Variants in CACNA1B observed in about 807,000 individuals in gnomAD.
CACNA1B encodes voltage-dependent N-type calcium channel subunit alpha-1B.
CACNA1B carries 70 observed loss-of-function variants against 247.2 expected under a neutral mutation model. The ratio of observed to expected loss-of-function variants is 0.28; its 90% confidence interval spans 0.23 to 0.35. The LOEUF (loss-of-function observed/expected upper bound fraction) is 0.35. Ranked by LOEUF, CACNA1B falls within the 10% of genes least tolerant of loss-of-function variation. The pLI is 1.00. For synonymous variants in CACNA1B, 1,231 were observed against 1,294.4 expected (o/e 0.95, Z 1.05); for missense variants, 2,367 against 3,197.4 (o/e 0.74, Z 6.26).
chr9:138,068,443 A>G (rs1465259406), intron 31 of CACNA1B, among the ~76,000 whole-genome samples: 3 of 152,226 alleles, frequency 2.0e-5, no homozygotes. Flanking sequence ...GAAACCTGCC[A>G]TTTAATCAGA....
In CACNA1B at chr9:137,914,955, C is replaced by G; in HGVS notation, c.775+149C>G. ...TTCTAGTGGGGGACATAGACGATAG[C>G]CTGATAAACACAAGTAAATAAACAC... On this transcript the variant is annotated intron_variant, in intron 5 of 46. Transcript: ENST00000371372. This position sits in a 1 kb window ranked among gnomAD's most constrained non-coding sequence, Gnocchi z 4.3. 1 of 727,384 alleles carries G rather than the reference C, an allele frequency of 1.4e-6. No homozygotes were observed. Among genetic ancestry groups the G allele is most frequent in the South Asian group, 2.4e-5 (1 of 42,440 alleles). 45.1% of individuals were successfully genotyped at this position (727,384 alleles called of 1,614,324 possible). A position where few individuals can be genotyped will look rare whatever the true frequency, so the allele number is the denominator to read the frequency against.
At chr9:138,081,582 G>A (rs561425853) in intron 36 of CACNA1B, among the ~76,000 whole-genome samples, 1 of 146,136 alleles carries the variant, frequency 6.8e-6, no homozygotes, top group Non-Finnish European at 1.5e-5. Flanking sequence ...TGGAAGAATA[G>A]GGAATGAGGT....
chr9:138,096,244 C>A (rs1281920477), intron 36 of CACNA1B, among the ~76,000 whole-genome samples: 2 of 152,050 alleles, frequency 1.3e-5, no homozygotes, highest in African/African-American at 2.4e-5. Context: ...GAGGGAGGGT[C>A]ATGGACAGGA....
At chr9:138,110,825 T>G (rs1307612982) in intron 39 of CACNA1B, among the ~76,000 whole-genome samples, 1 of 152,192 alleles carries the variant, frequency 6.6e-6, no homozygotes, top group East Asian at 1.9e-4. Context: ...GTATTCCTAA[T>G]ATATGAAGAA....
Position 138,102,097 on chromosome 9 carries a change from C to A in CACNA1B, c.5223-614C>A, listed in dbSNP as rs1288138012. On this transcript the variant is annotated intron_variant, in intron 37 of 46. Transcript: ENST00000371372. This position sits in a 1 kb window ranked among gnomAD's most constrained non-coding sequence, Gnocchi z 5.4. The stretch of plus-strand genomic sequence containing the variant: ...TGCCCTGGGCTGGCCTCGGGCGTCT[C>A]TGGGCTTGAAGCAGGACTTGCCCCA... Among the ~76,000 whole-genome samples the A allele has an allele frequency of 6.6e-6, 1 of 152,240 alleles. No individual in the cohort carries two copies. The highest frequency in any genetic ancestry group is 1.5e-5 in the Non-Finnish European group (1 of 68,040).
chr9:138,098,808 G>A (rs1053324647), intron 37 of CACNA1B, among the ~76,000 whole-genome samples: 3 of 152,154 alleles, frequency 2.0e-5, no homozygotes, highest in East Asian at 1.9e-4. Flanking sequence ...CAAAACCTGC[G>A]GGCCTTGAGA....
At chr9:138,002,693 C>T (rs535224581) in intron 15 of CACNA1B, among the ~76,000 whole-genome samples, 1 of 151,920 alleles carries the variant, frequency 6.6e-6, no homozygotes, top group African/African-American at 2.4e-5. Flanking sequence ...CAGAGCAAGA[C>T]CCAGTCTTTA....
intron 10 of CACNA1B, among the ~76,000 whole-genome samples, chr9:137,969,311 G>A (rs1018101251): frequency 2.0e-5 from 3 of 152,246 alleles, no homozygotes; most frequent in Admixed American, 2.0e-4. Flanking sequence ...TGTCTGGGGA[G>A]TGTGGTTCTG....
chr9:137,984,318 G>A, intron 13 of CACNA1B, 68 bp downstream of exon 13: 4 of 1,127,478 alleles, frequency 3.5e-6, no homozygotes, highest in Non-Finnish European at 5.2e-6. Flanking sequence ...AGCCACACAG[G>A]GTGCTTGTCC....
chr9:138,072,841 AGCAGAGGCCTGTTTGACCGTGAATT>A lies in CACNA1B; in HGVS notation c.4675-639_4675-615del. Reference sequence around the variant, plus strand: ...CCACTAGACAGCCTGGGCTCTCTAGAGCAGAGGCCTGTTTGACCGTGAATTGCAGAGGTGGCTTCCGTGGTGTGAG... The same window carrying A: ...CCACTAGACAGCCTGGGCTCTCTAGAGCAGAGGTGGCTTCCGTGGTGTGAG... On this transcript the variant is annotated intron_variant, in intron 32 of 46. Transcript: ENST00000371372. This position sits in a 1 kb window ranked among gnomAD's most constrained non-coding sequence, Gnocchi z 4.5. Among the ~76,000 whole-genome samples the A allele has an allele frequency of 6.6e-6, 1 of 152,340 alleles. No homozygotes were observed. Among genetic ancestry groups the A allele is most frequent in the South Asian group, 2.1e-4 (1 of 4,830 alleles).
chr9:138,096,935 T>C (rs1000097300), intron 37 of CACNA1B, among the ~76,000 whole-genome samples: 4 of 151,390 alleles, frequency 2.6e-5, no homozygotes, highest in African/African-American at 7.3e-5. Context: ...GGTCTTCTGC[T>C]GAAATTTACT....
intron 25 of CACNA1B, 70 bp from the exon 26 acceptor site, chr9:138,053,776 T>TC: frequency 8.6e-7 from 1 of 1,167,472 alleles, no homozygotes; most frequent in Middle Eastern, 2.1e-4. Flanking sequence ...ACCCTACCCT[T>TC]CCCCCTCATG....
intron 6 of CACNA1B, among the ~76,000 whole-genome samples, chr9:137,929,144 T>C (rs1292006751): frequency 6.6e-6 from 1 of 152,186 alleles, no homozygotes; most frequent in Admixed American, 6.5e-5. Flanking sequence ...GTTTAACCAT[T>C]TGAGGAACCA....
rs753197231 is a variant in CACNA1B at position 138,047,053 on chromosome 9, G to A, written c.3543+20G>A. 2.1e-5 allele frequency: 34 copies of A among 1,595,344 alleles called. No individual in the cohort carries two copies. In the African/African-American group the frequency reaches 2.5e-4, roughly 12 times the overall value. ...AACAACGTGAGTGGCCCGGATGGCC[G>A]GGTCCCCGCCAGGCTGTGGCGGGGG... On this transcript the variant is annotated intron_variant, in intron 22 of 46. Transcript: ENST00000371372.
intron 1 of CACNA1B, among the ~76,000 whole-genome samples, chr9:137,878,851 G>GGCCCCGCCTCGCGGCC (rs1264477888): frequency 5.3e-5 from 8 of 152,176 alleles, no homozygotes. Flanking sequence ...AGACTGCGGA[G>GGCCCCGCCTCGCGGCC]GCCCCGCCTC....
intron 31 of CACNA1B, among the ~76,000 whole-genome samples, chr9:138,064,938 G>T (rs1959863329): frequency 6.6e-6 from 1 of 152,228 alleles, no homozygotes. Context: ...TGGCTCGTGG[G>T]CACTTGGATC....
chr9:137,963,139 C>T (rs1166161766), intron 10 of CACNA1B, among the ~76,000 whole-genome samples: 1 of 152,112 alleles, frequency 6.6e-6, no homozygotes, highest in African/African-American at 2.4e-5. Flanking sequence ...ATGTAATACC[C>T]TTCATCATCT....
At position 138,020,073 on chromosome 9, in the gene CACNA1B, G is replaced by A. The variant is rs910447968; in HGVS notation, c.2268-2938G>A. Reference sequence around the variant, plus strand: ...GATCACACCACTGCACTCCAGCCTGGGCGACACAGCGAGACTCTGTCTCCC... The same window carrying A: ...GATCACACCACTGCACTCCAGCCTGAGCGACACAGCGAGACTCTGTCTCCC... On this transcript the variant is annotated intron_variant, in intron 18 of 46. Coordinates refer to ENST00000371372, the MANE Select transcript of CACNA1B (RefSeq NM_000718.4). This position sits in a 1 kb window ranked among gnomAD's most constrained non-coding sequence, Gnocchi z 4.1. 6.8e-6 allele frequency among the ~76,000 whole-genome samples: 1 copy of A among 147,602 alleles called. No individual in the cohort carries two copies. Among genetic ancestry groups the A allele is most frequent in the African/African-American group, 2.5e-5 (1 of 39,230 alleles).
chr9:138,099,627 G>T (rs1961185543), intron 37 of CACNA1B, among the ~76,000 whole-genome samples: 1 of 150,028 alleles, frequency 6.7e-6, no homozygotes, highest in Admixed American at 6.6e-5. Context: ...TCGTGCCTGT[G>T]GTGTGCATGT....
Sources: allele counts gnomAD v4.1 joint callset (sites outside exome capture counted in the v4.1 genomes callset), GRCh38; gene constraint gnomAD v4.1.1; non-coding constraint Gnocchi (gnomAD v3.1); transcripts MANE v1.5; gene names NCBI Gene and HGNC (gene_info 2026-07-23, HGNC 2026-07-21).